Variants in TENM3 observed in about 807,000 individuals in gnomAD.
TENM3 encodes the protein teneurin transmembrane protein 3, also known as teneurin-3.
Under a neutral mutation model 255.1 loss-of-function variants are expected in TENM3, and 63 were observed. The observed-to-expected ratio is 0.25, with a 90% confidence interval of 0.20 to 0.30. TENM3 has a LOEUF of 0.30. TENM3 is among the 10% of genes least tolerant of loss of function. The probability of loss-of-function intolerance (pLI) is 1.00; values close to 1 mark genes in which losing one functional copy is unlikely to be tolerated. For missense variants in TENM3, 2,929 were observed against 3,461.1 expected (o/e 0.85, Z 3.86); for synonymous variants, 1,306 against 1,322.3 (o/e 0.99, Z 0.27).
the TENM3 span, among the ~76,000 whole-genome samples, chr4:181,747,176 A>G: frequency 1.3e-5 from 2 of 152,094 alleles, no homozygotes; most frequent in Non-Finnish European, 2.9e-5. Flanking sequence ...CCTTAACAAC[A>G]TTATTTATTG....
At chr4:181,721,922 G>T in the TENM3 span, among the ~76,000 whole-genome samples, 1 of 152,216 alleles carries the variant, frequency 6.6e-6, no homozygotes, top group East Asian at 1.9e-4. Context: ...TGATGCAGTA[G>T]TGCCCGTGGG....
the TENM3 span, among the ~76,000 whole-genome samples, chr4:181,907,166 T>C: frequency 6.6e-6 from 1 of 152,178 alleles, no homozygotes; most frequent in African/African-American, 2.4e-5. Flanking sequence ...TCACTTTTAA[T>C]AGAAATCAGA....
the TENM3 span, among the ~76,000 whole-genome samples, chr4:181,666,300 T>TA: frequency 1.2e-4 from 18 of 152,296 alleles, no homozygotes; most frequent in African/African-American, 4.1e-4. Flanking sequence ...ACATATGCAG[T>TA]AAAAAAATTT....
chr4:181,851,625 C>T, the TENM3 span, among the ~76,000 whole-genome samples: 9 of 152,032 alleles, frequency 5.9e-5, no homozygotes, highest in South Asian at 6.2e-4. Flanking sequence ...CGCACGCACA[C>T]GCATGCACAC....
At chr4:182,608,490 G>A (rs962162478) in intron 4 of TENM3, among the ~76,000 whole-genome samples, 12 of 152,066 alleles carry the variant, frequency 7.9e-5, no homozygotes, top group Non-Finnish European at 1.3e-4. Flanking sequence ...TATTTTCCAC[G>A]AGGTGCAAGG....
the TENM3 span, among the ~76,000 whole-genome samples, chr4:181,626,371 T>C: frequency 1.3e-5 from 2 of 152,262 alleles, no homozygotes; most frequent in African/African-American, 2.4e-5. Flanking sequence ...TATTAAGGGA[T>C]ACCTGAGACT....
the TENM3 span, among the ~76,000 whole-genome samples, chr4:181,711,645 A>G: frequency 6.6e-6 from 1 of 152,362 alleles, no homozygotes; most frequent in African/African-American, 2.4e-5. Context: ...GCAAAGTTAA[A>G]GGAAACCCAA....
chr4:181,876,164 A>T, the TENM3 span, among the ~76,000 whole-genome samples: 1 of 152,200 alleles, frequency 6.6e-6, no homozygotes, highest in African/African-American at 2.4e-5. Context: ...TTGAATGGCT[A>T]TCCAGTTATT....
chr4:181,811,203 A>C, the TENM3 span, among the ~76,000 whole-genome samples: 1 of 152,220 alleles, frequency 6.6e-6, no homozygotes, highest in Non-Finnish European at 1.5e-5. Context: ...GGATCACTTG[A>C]CAGGCTATTT....
chr4:181,781,257 T>C, the TENM3 span, among the ~76,000 whole-genome samples: 1 of 152,222 alleles, frequency 6.6e-6, no homozygotes, highest in East Asian at 1.9e-4. Context: ...TCCGTGAGCA[T>C]GGAATGTTCT....
At chr4:181,481,620 T>C in the TENM3 span, among the ~76,000 whole-genome samples, 1 of 152,146 alleles carries the variant, frequency 6.6e-6, no homozygotes, top group South Asian at 2.1e-4. Flanking sequence ...TAAAACCACG[T>C]AAACCAGAAA....
the TENM3 span, among the ~76,000 whole-genome samples, chr4:181,494,434 G>A: frequency 2.0e-5 from 3 of 152,022 alleles, no homozygotes; most frequent in African/African-American, 4.8e-5. Context: ...ACAGGTGTCC[G>A]CCACCACGCC....
the TENM3 span, among the ~76,000 whole-genome samples, chr4:181,533,862 T>A: frequency 6.6e-6 from 1 of 152,180 alleles, no homozygotes; most frequent in South Asian, 2.1e-4. Context: ...CCATCTTGGG[T>A]TCCCCATTAT....
At chr4:182,512,895 G>T (rs987196737) in intron 3 of TENM3, among the ~76,000 whole-genome samples, 3 of 152,130 alleles carry the variant, frequency 2.0e-5, no homozygotes, top group Admixed American at 1.3e-4. Flanking sequence ...ATAGTGTCCA[G>T]TTTATACGTC....
the TENM3 span, among the ~76,000 whole-genome samples, chr4:182,030,732 T>G: frequency 0.013 from 1,952 of 152,316 alleles, 47 homozygotes; most frequent in African/African-American, 0.044. Flanking sequence ...TCCTGACTTT[T>G]TAATAATTGC....
Position 182,274,203 on chromosome 4 carries a change from G to A in TENM3, c.-76+30727G>A, listed in dbSNP as rs1019979697. 4.6e-5 allele frequency among the ~76,000 whole-genome samples: 7 copies of A among 152,322 alleles called. No individual in the cohort carries two copies. The South Asian group carries it at 1.4e-3, about 32-fold the overall frequency. On this transcript the variant is annotated intron_variant, in intron 1 of 27. Coordinates refer to ENST00000511685, the MANE Select transcript of TENM3 (RefSeq NM_001080477.4). The stretch of plus-strand genomic sequence containing the variant: ...GAAGCTGGGCTAAGAAAATGTTTGA[G>A]CTGGTGGATAGGTAATTCACACAAG...
chr4:182,262,965 G>A (rs1258864772), intron 1 of TENM3, among the ~76,000 whole-genome samples: 1 of 151,864 alleles, frequency 6.6e-6, no homozygotes, highest in Non-Finnish European at 1.5e-5. Context: ...CGCCTGCCTC[G>A]GCCTCCCTCC....
At chr4:181,605,554 G>GAA in the TENM3 span, among the ~76,000 whole-genome samples, 2 of 28,142 alleles carry the variant, frequency 7.1e-5, no homozygotes, top group Non-Finnish European at 1.9e-4. Flanking sequence ...AAGAAAGAAA[G>GAA]AAAGAAAGAA....
intron 3 of TENM3, among the ~76,000 whole-genome samples, chr4:182,564,481 C>G (rs914587603): frequency 3.9e-5 from 6 of 152,190 alleles, no homozygotes; most frequent in Non-Finnish European, 4.4e-5. Context: ...AAATATGAGA[C>G]TATAAGTCTT....
Sources: gnomAD v4.1 joint callset for allele counts (sites outside exome capture counted in the v4.1 genomes callset) on GRCh38, gnomAD v4.1.1 for gene constraint, MANE v1.5 for transcripts, NCBI Gene and HGNC (gene_info 2026-07-23, HGNC 2026-07-21) for gene names.